The following CSNK1E variants were observed in gnomAD, a reference collection of about 807,000 sequenced individuals.
CSNK1E encodes casein kinase 1 epsilon.
A neutral mutation model predicts 46.1 loss-of-function variants in CSNK1E; 17 were observed. That is an observed-to-expected ratio of 0.37 (90% CI 0.25 to 0.55). CSNK1E has a LOEUF of 0.55. Ranked by LOEUF, CSNK1E falls within the 20% of genes least tolerant of loss-of-function variation. The probability of loss-of-function intolerance (pLI) is 0.82; values close to 1 mark genes in which losing one functional copy is unlikely to be tolerated. For missense variants in CSNK1E, 386 were observed against 595.4 expected, an observed-to-expected ratio of 0.65 and a Z score of 3.66; for synonymous variants, 241 against 242.6, an observed-to-expected ratio of 0.99 and a Z score of 0.06.
chr22:38,301,842 T>C (rs1455591886), intron 4 of CSNK1E, among the ~76,000 whole-genome samples: 3 of 152,144 alleles, frequency 2.0e-5, no homozygotes, highest in Non-Finnish European at 4.4e-5. Context: ...TTTCACACCA[T>C]GAGGGGCTCT....
Position 38,298,803 on chromosome 22 carries a change from A to T in CSNK1E, c.868T>A (p.Trp290Arg). The change falls in exon 7 of 11, where the codon TGG becomes AGG. Residue 290 changes from tryptophan (W) to arginine (R), a missense_variant. Transcript: ENST00000396832. This position sits in a 1 kb window ranked among gnomAD's most constrained non-coding sequence, Gnocchi z 4.2. The stretch of plus-strand genomic sequence containing the variant: ...TGACTCACGAATTTCAGCATGTTCC[A>T]GTCAAAGACGTAGTCATAGGAGAAG... Reference protein sequence around the residue: ...QGFSYDYVFDWNMLKFGAARN... With the variant: ...QGFSYDYVFDRNMLKFGAARN... 6.2e-7 allele frequency: 1 copy of T among 1,614,162 alleles called. No homozygotes were observed. Among genetic ancestry groups the T allele is most frequent in the Non-Finnish European group, 8.5e-7 (1 of 1,180,026 alleles).
intron 2 of CSNK1E, among the ~76,000 whole-genome samples, chr22:38,307,037 A>T (rs2092701593): frequency 6.6e-6 from 1 of 151,798 alleles, no homozygotes; most frequent in South Asian, 2.1e-4. Context: ...CAGGCGTGGT[A>T]GCACGTGCCT....
At chr22:38,293,948 AGAG>A in intron 9 of CSNK1E, 158 bp downstream of exon 9, 1 of 817,864 alleles carries the variant, frequency 1.2e-6, no homozygotes, top group Non-Finnish European at 1.9e-6. Context: ...ATCAGACCTC[AGAG>A]GATTAAATGA....
At chr22:38,313,558 AAGAG>A (rs966225817) in intron 2 of CSNK1E, among the ~76,000 whole-genome samples, 1 of 152,110 alleles carries the variant, frequency 6.6e-6, no homozygotes, top group African/African-American at 2.4e-5. Flanking sequence ...CGGAGAGAAA[AAGAG>A]AGAGAGAGAA....
chr22:38,297,339 G>A (rs1327889611), intron 7 of CSNK1E, among the ~76,000 whole-genome samples: 1 of 152,218 alleles, frequency 6.6e-6, no homozygotes, highest in Non-Finnish European at 1.5e-5. Flanking sequence ...GGTCTAGGGT[G>A]AAGTCAGAGA....
In CSNK1E at chr22:38,294,395, C is replaced by A. The variant is rs765772548; in HGVS notation, c.1025G>T (p.Arg342Leu). 5 of 1,555,968 alleles carry A rather than the reference C, an allele frequency of 3.2e-6. No homozygotes were observed. Among genetic ancestry groups the A allele is most frequent in the Non-Finnish European group, 4.3e-6 (5 of 1,153,514 alleles). Residue 342 changes from arginine (R) to leucine (L), a missense_variant, in exon 8 of 11, where the codon CGC becomes CTC. By Grantham distance (102) the Arg-to-Leu change is moderately radical. This residue lies in a region of CSNK1E where 174 missense variants were observed against 185.2 expected (regional missense o/e 0.94). Transcript: ENST00000396832. This position sits in a 1 kb window ranked among gnomAD's most constrained non-coding sequence, Gnocchi z 5.5. Reference protein sequence around the residue: ...PPTGATANRLRSAAEPVASTP... With the variant: ...PPTGATANRLLSAAEPVASTP... ...GGAAGCCACGGGCTCGGCGGCACTG[C>A]GGAGCCGGTTGGCAGTGGCCCCCGT... is the stretch of plus-strand genomic sequence containing the variant.
chr22:38,300,600 G>A lies in CSNK1E; in HGVS notation c.565+124C>T. The A allele has an allele frequency of 1.1e-6, 1 of 896,004 alleles. No individual in the cohort carries two copies. The highest frequency in any genetic ancestry group is 1.7e-6 in the Non-Finnish European group (1 of 580,078). The allele number at this position is 896,004 out of a possible 1,614,324, so 55.5% of individuals were successfully genotyped here. On this transcript the variant is annotated intron_variant, in intron 5 of 10. Coordinates refer to ENST00000396832, the MANE Select transcript of CSNK1E (RefSeq NM_152221.3). This position sits in a 1 kb window ranked among gnomAD's most constrained non-coding sequence, Gnocchi z 4.4. ...GCACGAGCTTGGGGGCAGACGGGGT[G>A]GGGACTTTCTCACTAGAAAAGAGCC...
Position 38,300,609 on chromosome 22 carries a change from C to T in CSNK1E, c.565+115G>A. On this transcript the variant is annotated intron_variant, in intron 5 of 10. Transcript: ENST00000396832. This position sits in a 1 kb window ranked among gnomAD's most constrained non-coding sequence, Gnocchi z 4.4. ...TGGGGGCAGACGGGGTGGGGACTTTCTCACTAGAAAAGAGCCTGGGGGCCT... is the reference window on the plus strand; with the variant it reads ...TGGGGGCAGACGGGGTGGGGACTTTTTCACTAGAAAAGAGCCTGGGGGCCT... 9.9e-7 allele frequency: 1 copy of T among 1,013,934 alleles called. No homozygotes were observed. The highest frequency in any genetic ancestry group is 1.5e-6 in the Non-Finnish European group (1 of 682,048). 62.8% of individuals were successfully genotyped at this position (1,013,934 alleles called of 1,614,324 possible).
intron 2 of CSNK1E, among the ~76,000 whole-genome samples, chr22:38,304,326 C>T (rs946705232): frequency 6.6e-6 from 1 of 152,034 alleles, no homozygotes; most frequent in Non-Finnish European, 1.5e-5. Flanking sequence ...CGGCTGGCCA[C>T]CTGAGAAAAG....
intron 7 of CSNK1E, chr22:38,296,150 T>C: frequency 2.0e-6 from 2 of 991,938 alleles, no homozygotes; most frequent in African/African-American, 3.5e-5. Context: ...AGGCAAGAAG[T>C]GGGCGACTCT....
Position 38,293,278 on chromosome 22 carries a change from G to T in CSNK1E, c.*9C>A, listed in dbSNP as rs201579666. On this transcript the variant is annotated 3_prime_UTR_variant, in exon 10 of 11. Transcript: ENST00000396832. ...ACCTAAGCAAACACTGGTCCAATGG[G>T]GGCTCTCCTCACTTCCCGAGATGGT... 1.2e-6 allele frequency: 2 copies of T among 1,612,984 alleles called. No individual in the cohort carries two copies. The highest frequency in any genetic ancestry group is 2.7e-5 in the African/African-American group (2 of 74,866).
At position 38,306,288 on chromosome 22, in the gene CSNK1E, C is replaced by G. The variant is rs550348208; in HGVS notation, c.77-3040G>C. 1.0e-3 allele frequency among the ~76,000 whole-genome samples: 157 copies of G among 152,268 alleles called. 1 individual carries two copies. The highest frequency in any genetic ancestry group is 1.1e-3 in the Admixed American group (17 of 15,304). The stretch of plus-strand genomic sequence containing the variant: ...GGGTCAGGGAGGAAGGGGTGGGGGA[C>G]GCTTCACTGGATACTGTGTTATAAG... On this transcript the variant is annotated intron_variant, in intron 2 of 10. Transcript: ENST00000396832.
chr22:38,292,907 C>A (rs781554835), intron 10 of CSNK1E: 2 of 321,174 alleles, frequency 6.2e-6, no homozygotes, highest in African/African-American at 4.4e-5. Flanking sequence ...GGGCTAATGC[C>A]GTGGGAGAGG....
At chr22:38,311,357 T>TAA (rs2092720166) in intron 2 of CSNK1E, among the ~76,000 whole-genome samples, 1 of 152,174 alleles carries the variant, frequency 6.6e-6, no homozygotes, top group Non-Finnish European at 1.5e-5. Flanking sequence ...AATCTGTACT[T>TAA]AGTTTTTAAA....
At chr22:38,314,592 T>A (rs1029666989) in intron 1 of CSNK1E, among the ~76,000 whole-genome samples, 1 of 152,184 alleles carries the variant, frequency 6.6e-6, no homozygotes, top group Non-Finnish European at 1.5e-5. Context: ...TCGCATCCCC[T>A]ACTGGGGGGA....
chr22:38,297,637 AAC>A (rs1342937393), intron 7 of CSNK1E: 5 of 993,238 alleles, frequency 5.0e-6, no homozygotes, highest in East Asian at 2.2e-4. Flanking sequence ...GTTCTGGTTC[AAC>A]ACAGAGGCCG....
chr22:38,305,354 G>A (rs1364373667), intron 2 of CSNK1E, among the ~76,000 whole-genome samples: 5 of 147,910 alleles, frequency 3.4e-5, no homozygotes, highest in African/African-American at 1.2e-4. Flanking sequence ...AATGTTAGAA[G>A]AAGGGAGAAT....
intron 6 of CSNK1E, among the ~76,000 whole-genome samples, chr22:38,299,593 G>A (rs967726315): frequency 2.0e-5 from 3 of 152,172 alleles, no homozygotes; most frequent in Non-Finnish European, 2.9e-5. Flanking sequence ...GTGCAATCTC[G>A]GCTCACTGCA....
At chr22:38,308,889 G>A (rs1417651553) in intron 2 of CSNK1E, among the ~76,000 whole-genome samples, 2 of 152,178 alleles carry the variant, frequency 1.3e-5, no homozygotes, top group South Asian at 2.1e-4. Flanking sequence ...CAGTGGAAGA[G>A]GTGGGCAGGG....
Sources: allele counts gnomAD v4.1 joint callset (sites outside exome capture counted in the v4.1 genomes callset), GRCh38; gene constraint gnomAD v4.1.1; regional missense constraint gnomAD v4.1.1; non-coding constraint Gnocchi (gnomAD v3.1); transcripts MANE v1.5; gene names NCBI Gene and HGNC (gene_info 2026-07-23, HGNC 2026-07-21).